CYBB: variants seen among roughly 807,000 people sequenced by gnomAD.
CYBB encodes NADPH oxidase 2.
Under a neutral mutation model 46.5 loss-of-function variants are expected in CYBB, and 5 were observed. That is an observed-to-expected ratio of 0.11 (90% CI 0.06 to 0.23). The LOEUF (loss-of-function observed/expected upper bound fraction) is 0.23. Among genes scored for constraint, CYBB ranks in the 10% least tolerant of loss-of-function variants. The pLI is 1.00. For missense variants in CYBB, 307 were observed against 428.3 expected, an observed-to-expected ratio of 0.72 and a Z score of 2.50; for synonymous variants, 183 against 156.7, an observed-to-expected ratio of 1.17 and a Z score of -1.26.
At chrX:37,793,628 C>T (rs1556467622) in intron 4 of CYBB, 37 bp from the exon 5 acceptor site, 1 of 1,199,485 alleles carries the variant, frequency 8.3e-7, no homozygotes, top group Admixed American at 2.2e-5. Context: ...TGTTCATACC[C>T]TTCATTCTCT....
At chrX:37,800,475 G>A (rs1384597127) in intron 7 of CYBB, among the ~76,000 whole-genome samples, 1 of 111,307 alleles carries the variant, frequency 9.0e-6, no homozygotes, top group African/African-American at 3.3e-5. Context: ...GAGACTATCG[G>A]AAGCACTCTC....
Position 37,813,416 on chromosome X carries a change from G to A in CYBB, c.*2499G>A, listed in dbSNP as rs1929716551. The A allele has an allele frequency of 9.0e-6, 1 of 110,771 alleles. No homozygotes were observed. The highest frequency in any genetic ancestry group is 3.3e-5 in the African/African-American group (1 of 30,371). 9.1% of individuals were successfully genotyped at this position (110,771 alleles called of 1,213,427 possible). Reference sequence around the variant, plus strand: ...GGGGACCTGGGAGATAATTCCTACGGGGAATTCTTAAAACTGTGCTCAACT... The same window carrying A: ...GGGGACCTGGGAGATAATTCCTACGAGGAATTCTTAAAACTGTGCTCAACT... On this transcript the variant is annotated 3_prime_UTR_variant, in exon 13 of 13. Coordinates refer to ENST00000378588, the MANE Select transcript of CYBB (RefSeq NM_000397.4).
At position 37,796,033 on chromosome X, in the gene CYBB, T is replaced by C. The variant is rs1929299928; in HGVS notation, c.566T>C (p.Ile189Thr). The C allele has an allele frequency of 8.3e-7, 1 of 1,206,207 alleles. No homozygotes were observed. The highest frequency in any genetic ancestry group is 1.8e-5 in the African/African-American group (1 of 56,997). Residue 189 changes from isoleucine to threonine, a missense_variant, in exon 6 of 13, where the codon ATT becomes ACT. Around this residue, in one of 3 missense-constraint regions of CYBB, gnomAD observed 103 missense variants for 150.2 expected, o/e 0.69. Transcript: ENST00000378588. ...GVVITLCLIL[I>T]ITSSTKTIRR... The stretch of plus-strand genomic sequence containing the variant: ...GTCATCACGCTGTGCCTCATATTAA[T>C]TATCACTTCCTCCACCAAAACCATC...
chrX:37,807,573 A>G (rs1929590423), intron 11 of CYBB, among the ~76,000 whole-genome samples: 1 of 110,906 alleles, frequency 9.0e-6, no homozygotes, highest in East Asian at 2.8e-4. Flanking sequence ...GAAAAAACTC[A>G]GACCAGGTTA....
chrX:37,793,896 C>T, intron 5 of CYBB, 86 bp downstream of exon 5: 1 of 910,172 alleles, frequency 1.1e-6, no homozygotes, highest in Non-Finnish European at 1.5e-6. Context: ...CTCTCCTTTG[C>T]CAAAAAAAAA....
At chrX:37,797,338 A>C (rs1348219543) in intron 6 of CYBB, among the ~76,000 whole-genome samples, 1 of 111,516 alleles carries the variant, frequency 9.0e-6, no homozygotes, top group Non-Finnish European at 1.9e-5. Flanking sequence ...AAGAGAAATA[A>C]TTTCTTCCCC....
chrX:37,782,695 C>T (rs782647670), intron 2 of CYBB, among the ~76,000 whole-genome samples: 3 of 111,795 alleles, frequency 2.7e-5, no homozygotes, highest in Non-Finnish European at 5.6e-5. Flanking sequence ...AGTGAAGGCC[C>T]TTCAGTTTCC....
chrX:37,788,608 C>G (rs1556466067), intron 3 of CYBB, among the ~76,000 whole-genome samples: 1 of 111,501 alleles, frequency 9.0e-6, no homozygotes, highest in Admixed American at 9.5e-5. Flanking sequence ...GAGGGACTAA[C>G]TATGATAATT....
At chrX:37,782,341 C>A (rs1928970016) in intron 2 of CYBB, among the ~76,000 whole-genome samples, 158 bp downstream of exon 2, 2 of 112,377 alleles carry the variant, frequency 1.8e-5, no homozygotes, top group Admixed American at 1.9e-4. Flanking sequence ...GGGCAACAGT[C>A]ACTTAAAGCC....
chrX:37,782,214 G>A, intron 2 of CYBB, 31 bp downstream of exon 2: 1 of 948,759 alleles, frequency 1.1e-6, no homozygotes, highest in Non-Finnish European at 1.5e-6. Flanking sequence ...ATGCAATATT[G>A]GCTGGTTCAC....
At chrX:37,803,731 G>C (rs1215038196) in intron 8 of CYBB, 146 bp from the exon 9 acceptor site, 3 of 567,880 alleles carry the variant, frequency 5.3e-6, no homozygotes, top group Admixed American at 2.7e-5. Context: ...CCCTGTGACA[G>C]ACACATCTGC....
In CYBB at chrX:37,813,122, TAA is replaced by T. The variant is rs1397478020; in HGVS notation, c.*2206_*2207del. The T allele has an allele frequency of 6.4e-5, 7 of 109,992 alleles. No individual in the cohort carries two copies. Among genetic ancestry groups the T allele is most frequent in the African/African-American group, 1.7e-4 (5 of 30,077 alleles). 9.1% of individuals were successfully genotyped at this position (109,992 alleles called of 1,213,427 possible). On this transcript the variant is annotated 3_prime_UTR_variant, in exon 13 of 13. Coordinates refer to ENST00000378588, the MANE Select transcript of CYBB (RefSeq NM_000397.4). ...CCAGTTATGAGATAAAAAATGAATA[TAA>T]GAGTGCTTGTCATTATAAAAGTTTC...
chrX:37,787,461 C>T lies in CYBB; in HGVS notation c.252+3861C>T, dbSNP rs1929095438. 3.6e-5 allele frequency among the ~76,000 whole-genome samples: 4 copies of T among 111,900 alleles called. 1 individual carries two copies. Among genetic ancestry groups the T allele is most frequent in the Admixed American group, 2.8e-4 (3 of 10,533 alleles). On this transcript the variant is annotated intron_variant, in intron 3 of 12. Coordinates refer to ENST00000378588, the MANE Select transcript of CYBB (RefSeq NM_000397.4). ...GAAATATTTTTTTCTTACTCAGTTT[C>T]AATAGAGCATAGAAATCTGCTGAAG...
At chrX:37,789,513 G>T (rs868964432) in intron 3 of CYBB, among the ~76,000 whole-genome samples, 1 of 82,665 alleles carries the variant, frequency 1.2e-5, no homozygotes, top group Non-Finnish European at 2.5e-5. Context: ...AAGAAAGGAA[G>T]AAAGAAAGAA....
intron 3 of CYBB, among the ~76,000 whole-genome samples, chrX:37,789,175 T>C (rs945086834): frequency 9.0e-6 from 1 of 111,636 alleles, no homozygotes; most frequent in Non-Finnish European, 1.9e-5. Context: ...TTCAAATCTC[T>C]GACTTCCTCC....
At chrX:37,807,309 T>C (rs941031144) in intron 11 of CYBB, among the ~76,000 whole-genome samples, 6 of 109,763 alleles carry the variant, frequency 5.5e-5, no homozygotes, top group Non-Finnish European at 9.5e-5. Context: ...TATAAAGGAT[T>C]CTGTATATAT....
chrX:37,793,711 T>A lies in CYBB; in HGVS notation c.384T>A (p.Asn128Lys). The change falls in exon 5 of 13, where the codon AAT (asparagine) becomes AAA (lysine). Residue 128 changes from asparagine (N) to lysine (K), a missense_variant. Around this residue, in one of 3 missense-constraint regions of CYBB, gnomAD observed 103 missense variants for 150.2 expected, o/e 0.69. Transcript: ENST00000378588. ...TATTTAATGTGGAATGGTGTGTGAA[T>A]GCCCGAGTCAATAATTCTGATCCTT... is the stretch of plus-strand genomic sequence containing the variant. Reference protein sequence around the residue: ...AHLFNVEWCVNARVNNSDPYS... With the variant: ...AHLFNVEWCVKARVNNSDPYS... 7 of 1,207,892 alleles carry A rather than the reference T, an allele frequency of 5.8e-6. No individual in the cohort carries two copies. The highest frequency in any genetic ancestry group is 7.8e-6 in the Non-Finnish European group (7 of 892,515).
chrX:37,808,931 T>A (rs1556472445), intron 11 of CYBB, among the ~76,000 whole-genome samples: 11 of 112,438 alleles, frequency 9.8e-5, no homozygotes, highest in Non-Finnish European at 3.8e-5. Context: ...AAATCTGATT[T>A]GCTTTTTAAA....
At position 37,798,988 on chromosome X, in the gene CYBB, G is replaced by A; in HGVS notation, c.708G>A (p.Leu236=). 8.3e-7 allele frequency: 1 copy of A among 1,208,261 alleles called. No individual in the cohort carries two copies. ...RIVRGQTAES[L]AVHNITVCEQ... ...TACGTGGGCAGACCGCAGAGAGTTT[G>A]GCTGTGCATAATATAACAGTTTGTG... is the stretch of plus-strand genomic sequence containing the variant. The change falls in exon 7 of 13, where the codon TTG becomes TTA. Residue 236 remains leucine (L), a synonymous_variant. Coordinates refer to ENST00000378588, the MANE Select transcript of CYBB (RefSeq NM_000397.4).
Sources: gnomAD v4.1 joint callset for allele counts (sites outside exome capture counted in the v4.1 genomes callset) on GRCh38, gnomAD v4.1.1 for gene constraint, gnomAD v4.1.1 regional missense constraint, MANE v1.5 for transcripts, NCBI Gene and HGNC (gene_info 2026-07-23, HGNC 2026-07-21) for gene names.